DTNBP1: variants seen among roughly 807,000 people sequenced by gnomAD.
DTNBP1 encodes dysbindin.
DTNBP1 carries 35 observed loss-of-function variants against 42.8 expected under a neutral mutation model. The observed-to-expected ratio is 0.82, with a 90% CI of 0.63 to 1.09. The LOEUF (loss-of-function observed/expected upper bound fraction) is 1.09, where lower values mean the gene tolerates loss of function less well. DTNBP1 is among the 50% of genes least tolerant of loss of function. The pLI is 0.00. For missense variants in DTNBP1, 457 were observed against 424.2 expected, an observed-to-expected ratio of 1.08 and a Z score of -0.68; for synonymous variants, 171 against 162.2, an observed-to-expected ratio of 1.05 and a Z score of -0.41.
intron 3 of DTNBP1, among the ~76,000 whole-genome samples, chr6:15,649,498 A>C (rs1760865222): frequency 6.6e-6 from 1 of 152,130 alleles, no homozygotes; most frequent in Non-Finnish European, 1.5e-5. Context: ...CCTGGGATGG[A>C]GAGGAGGGAG....
At chr6:15,583,942 ACAT>A (rs1399853315) in intron 7 of DTNBP1, among the ~76,000 whole-genome samples, 1 of 152,206 alleles carries the variant, frequency 6.6e-6, no homozygotes, top group African/African-American at 2.4e-5. Context: ...TCAATATAGA[ACAT>A]CGTCTTAGAG....
At chr6:15,657,719 T>A (rs149811537) in intron 1 of DTNBP1, among the ~76,000 whole-genome samples, 19 of 152,374 alleles carry the variant, frequency 1.2e-4, no homozygotes, top group Admixed American at 2.6e-4. Context: ...GTTTGTTCTC[T>A]GCTATATCCC....
chr6:15,551,708 C>T (rs191155198), intron 7 of DTNBP1, among the ~76,000 whole-genome samples: 49 of 152,310 alleles, frequency 3.2e-4, no homozygotes, highest in Non-Finnish European at 2.4e-4. Context: ...CCACGTTCCT[C>T]GAGAGCAAGC....
chr6:15,595,145 T>C, intron 6 of DTNBP1: 1 of 455,956 alleles, frequency 2.2e-6, no homozygotes, highest in Non-Finnish European at 4.4e-6. Context: ...CCAGGAAACT[T>C]CCCTTCAGAA....
At chr6:15,539,483 T>C (rs550039224) in intron 7 of DTNBP1, among the ~76,000 whole-genome samples, 10 of 152,354 alleles carry the variant, frequency 6.6e-5, no homozygotes, top group South Asian at 2.1e-4. Context: ...TGTGCGCTCA[T>C]TGGGATGCAC....
chr6:15,545,606 A>G (rs1025562116), intron 7 of DTNBP1, among the ~76,000 whole-genome samples: 1 of 152,068 alleles, frequency 6.6e-6, no homozygotes, highest in African/African-American at 2.4e-5. Flanking sequence ...GTTTTTTTGC[A>G]GATAGTCAGA....
intron 7 of DTNBP1, chr6:15,586,092 C>T: frequency 9.5e-7 from 1 of 1,049,584 alleles, no homozygotes; most frequent in African/African-American, 1.7e-5. Context: ...TAACTAAATC[C>T]AACAGAATTT....
intron 7 of DTNBP1, among the ~76,000 whole-genome samples, chr6:15,583,141 C>T (rs1043892728): frequency 3.3e-5 from 5 of 152,014 alleles, no homozygotes; most frequent in African/African-American, 7.3e-5. Context: ...CCACCATGCC[C>T]GGCTAATTTT....
intron 6 of DTNBP1, among the ~76,000 whole-genome samples, chr6:15,612,913 T>C (rs1758494597): frequency 1.3e-5 from 2 of 152,226 alleles, no homozygotes; most frequent in African/African-American, 2.4e-5. Flanking sequence ...TGACCATTTC[T>C]ACCTCTGCTA....
intron 5 of DTNBP1, among the ~76,000 whole-genome samples, chr6:15,619,657 G>A (rs1758926283): frequency 6.6e-6 from 1 of 151,486 alleles, no homozygotes; most frequent in Non-Finnish European, 1.5e-5. Flanking sequence ...ATAATATTAA[G>A]TAAAAAAAAA....
chr6:15,655,640 T>TTA (rs370118820), intron 1 of DTNBP1, among the ~76,000 whole-genome samples: 10 of 141,048 alleles, frequency 7.1e-5, no homozygotes, highest in African/African-American at 1.8e-4. Context: ...AAAACGAAGT[T>TTA]AAAAAAAAAA....
intron 7 of DTNBP1, among the ~76,000 whole-genome samples, chr6:15,536,936 G>A (rs1773263968): frequency 6.6e-6 from 1 of 152,220 alleles, no homozygotes; most frequent in Admixed American, 6.5e-5. Flanking sequence ...TTTAATGACT[G>A]CCCTGCTGGA....
chr6:15,557,602 G>C (rs1774602250), intron 7 of DTNBP1, among the ~76,000 whole-genome samples: 1 of 152,086 alleles, frequency 6.6e-6, no homozygotes, highest in Non-Finnish European at 1.5e-5. Flanking sequence ...AACATTCATA[G>C]TACACAAATA....
At chr6:15,643,262 TA>T (rs1225209285) in intron 3 of DTNBP1, among the ~76,000 whole-genome samples, 1 of 152,114 alleles carries the variant, frequency 6.6e-6, no homozygotes, top group Non-Finnish European at 1.5e-5. Flanking sequence ...ACTGAATTTT[TA>T]AAAAATGAAC....
intron 6 of DTNBP1, among the ~76,000 whole-genome samples, chr6:15,596,371 G>C (rs1776515895): frequency 6.6e-6 from 1 of 152,132 alleles, no homozygotes; most frequent in African/African-American, 2.4e-5. Flanking sequence ...CTACTCCCTC[G>C]CTTCGCATTC....
At chr6:15,626,498 T>C in intron 5 of DTNBP1, among the ~76,000 whole-genome samples, 1 of 152,188 alleles carries the variant, frequency 6.6e-6, no homozygotes, top group East Asian at 1.9e-4. Context: ...GCTTCCCACC[T>C]AAAAGACTAA....
At chr6:15,635,107 C>T (rs1232537894) in intron 4 of DTNBP1, among the ~76,000 whole-genome samples, 1 of 152,088 alleles carries the variant, frequency 6.6e-6, no homozygotes, top group East Asian at 1.9e-4. Context: ...TTCTCCTCTC[C>T]TTTAGGATTC....
intron 7 of DTNBP1, among the ~76,000 whole-genome samples, chr6:15,553,594 C>CTTTTTTTT (rs56173414): frequency 1.4e-5 from 1 of 72,952 alleles, no homozygotes; most frequent in East Asian, 6.6e-4. Flanking sequence ...GACAAGTGAG[C>CTTTTTTTT]TTTTTTTTTT....
intron 7 of DTNBP1, among the ~76,000 whole-genome samples, chr6:15,553,394 T>C (rs969572992): frequency 6.6e-6 from 1 of 151,468 alleles, no homozygotes; most frequent in East Asian, 1.9e-4. Context: ...CCATACAAGA[T>C]AGATATTGTT....
Sources: gnomAD v4.1 joint callset for allele counts (sites outside exome capture counted in the v4.1 genomes callset) on GRCh38, gnomAD v4.1.1 for gene constraint, MANE v1.5 for transcripts, NCBI Gene and HGNC (gene_info 2026-07-23, HGNC 2026-07-21) for gene names.